Variants in PIK3C2A observed in about 807,000 individuals in gnomAD.
PIK3C2A encodes the protein phosphatidylinositol 4-phosphate 3-kinase C2 domain-containing subunit alpha.
PIK3C2A carries 97 observed loss-of-function variants against 204.5 expected under a neutral mutation model. The ratio of observed to expected loss-of-function variants is 0.47; its 90% CI spans 0.40 to 0.56. The LOEUF (loss-of-function observed/expected upper bound fraction) is 0.56, where lower values mean the gene tolerates loss of function less well. Among genes scored for constraint, PIK3C2A ranks in the 20% least tolerant of loss-of-function variants. PIK3C2A has a pLI of 0.00. For synonymous variants in PIK3C2A, 653 were observed against 664.4 expected (o/e 0.98, Z 0.26); for missense variants, 1,735 against 1,969.2 (o/e 0.88, Z 2.25).
intron 5 of PIK3C2A, 138 bp downstream of exon 5, chr11:17,148,529 A>C: frequency 4.1e-6 from 3 of 724,458 alleles, no homozygotes; most frequent in Non-Finnish European, 6.6e-6. Flanking sequence ...TATTTCAATA[A>C]AAGTTTATTG....
In PIK3C2A at chr11:17,099,983, CA is replaced by C. The variant is rs1364972692; in HGVS notation, c.4009-15del. On this transcript the variant is annotated splice_polypyrimidine_tract_variant and intron_variant, in intron 25 of 32. Coordinates refer to ENST00000691414, the MANE Select transcript of PIK3C2A (RefSeq NM_002645.4). Reference sequence around the variant, plus strand: ...TGAAGGAATCATCTGTAGAAGAAAACAAAAAGTTCTGTGAGTTAAATTTTTT... The same window carrying C: ...TGAAGGAATCATCTGTAGAAGAAAACAAAAGTTCTGTGAGTTAAATTTTTT... The C allele has an allele frequency of 7.8e-7, 1 of 1,280,538 alleles. No individual in the cohort carries two copies. Among genetic ancestry groups the C allele is most frequent in the African/African-American group, 1.5e-5 (1 of 67,388 alleles). 79.3% of individuals were successfully genotyped at this position (1,280,538 alleles called of 1,614,324 possible).
chr11:17,168,912 C>G lies in PIK3C2A; in HGVS notation c.830G>C (p.Ser277Thr). ...KFDWLDLDPL[S>T]KPKVDNVEVL... ...CTCCACATTATCCACCTTAGGCTTA[C>G]TTAGAGGATCCAAGTCTAACCAGTC... Residue 277 changes from serine to threonine, a missense_variant, in exon 2 of 33, where the codon AGT becomes ACT. Physicochemically the swap from Ser to Thr is moderately conservative, Grantham distance 58. Coordinates refer to ENST00000691414, the MANE Select transcript of PIK3C2A (RefSeq NM_002645.4). The G allele has an allele frequency of 2.5e-6, 4 of 1,614,098 alleles. No homozygotes were observed. The highest frequency in any genetic ancestry group is 3.4e-6 in the Non-Finnish European group (4 of 1,179,980).
At chr11:17,164,537 T>C (rs1464271948) in intron 2 of PIK3C2A, among the ~76,000 whole-genome samples, 2 of 152,190 alleles carry the variant, frequency 1.3e-5, no homozygotes, top group East Asian at 1.9e-4. Context: ...TCAGTTCAGA[T>C]AGCATGCTAT....
At chr11:17,114,803 T>C (rs947061709) in intron 19 of PIK3C2A, among the ~76,000 whole-genome samples, 2 of 152,214 alleles carry the variant, frequency 1.3e-5, no homozygotes, top group Non-Finnish European at 2.9e-5. Flanking sequence ...TCATAACTTA[T>C]TGGTAGGGAG....
At chr11:17,130,806 CAAAAAAAAAAAAAAAAGAA>C (rs1849668322) in intron 12 of PIK3C2A, among the ~76,000 whole-genome samples, 1 of 54,744 alleles carries the variant, frequency 1.8e-5, no homozygotes, top group South Asian at 5.3e-4. Context: ...GACTCCATCT[CAAAAAAAAAAAAAAAAGAA>C]AAAAGAAAAA....
rs1311158266 is a variant in PIK3C2A at position 17,169,785 on chromosome 11, G to A, written c.-44C>T. ...ACCTTCCTTCCTCTATTTTTTTCTT[G>A]TAGCTTCCAAAATAGCAAGGCCTAT... On this transcript the variant is annotated 5_prime_UTR_variant, in exon 2 of 33. Transcript: ENST00000691414. 1 of 1,367,218 alleles carries A rather than the reference G, an allele frequency of 7.3e-7. No individual in the cohort carries two copies. The highest frequency in any genetic ancestry group is 9.9e-7 in the Non-Finnish European group (1 of 1,005,992). The allele number at this position is 1,367,218 out of a possible 1,614,324, so 84.7% of individuals were successfully genotyped here. A position where few individuals can be genotyped will look rare whatever the true frequency, so the allele number is the denominator to read the frequency against.
intron 2 of PIK3C2A, among the ~76,000 whole-genome samples, chr11:17,167,243 G>T (rs564217164): frequency 6.6e-6 from 1 of 152,154 alleles, no homozygotes; most frequent in Non-Finnish European, 1.5e-5. Context: ...AAAGTGCTGG[G>T]ATTATAAACA....
intron 1 of PIK3C2A, among the ~76,000 whole-genome samples, chr11:17,188,377 C>T (rs1039852858): frequency 6.8e-6 from 1 of 146,420 alleles, no homozygotes; most frequent in Non-Finnish European, 1.5e-5. Flanking sequence ...GAACAGAGAA[C>T]ACACAAACAC....
chr11:17,187,383 T>C (rs1039640062), intron 1 of PIK3C2A, among the ~76,000 whole-genome samples: 2 of 152,184 alleles, frequency 1.3e-5, no homozygotes, highest in Non-Finnish European at 2.9e-5. Flanking sequence ...AATAGCTTTA[T>C]TGAGATATAA....
At chr11:17,153,900 C>A (rs1850498428) in intron 3 of PIK3C2A, among the ~76,000 whole-genome samples, 1 of 152,176 alleles carries the variant, frequency 6.6e-6, no homozygotes, top group Admixed American at 6.5e-5. Context: ...CAAAGTACAT[C>A]TCCTCATCTC....
At chr11:17,181,391 T>C (rs1851546705) in intron 1 of PIK3C2A, among the ~76,000 whole-genome samples, 1 of 151,644 alleles carries the variant, frequency 6.6e-6, no homozygotes, top group Non-Finnish European at 1.5e-5. Flanking sequence ...GAATTCTATA[T>C]AGCAATGCAA....
rs145142338 is a variant in PIK3C2A at position 17,186,898 on chromosome 11, C to T, written c.-65-17092G>A. ...GTTCAAGACCAGCCTGGACAACACA[C>T]TAAAACCCCATCTCTATTAAAAATA... On this transcript the variant is annotated intron_variant, in intron 1 of 32. Transcript: ENST00000691414. Among the ~76,000 whole-genome samples the T allele has an allele frequency of 2.3e-4, 35 of 152,238 alleles. No individual in the cohort carries two copies. The East Asian group carries it at 6.6e-3, about 29-fold the overall frequency.
At chr11:17,179,622 T>C (rs1227540069) in intron 1 of PIK3C2A, among the ~76,000 whole-genome samples, 1 of 152,192 alleles carries the variant, frequency 6.6e-6, no homozygotes, top group Non-Finnish European at 1.5e-5. Context: ...AAAGATTAAA[T>C]TTTTAAAAAT....
intron 9 of PIK3C2A, among the ~76,000 whole-genome samples, chr11:17,135,835 G>A (rs529589845): frequency 2.0e-5 from 3 of 152,164 alleles, no homozygotes; most frequent in African/African-American, 4.8e-5. Flanking sequence ...TCTAGATATC[G>A]AGGGGCACAC....
At chr11:17,196,529 C>T (rs1459597991) in intron 1 of PIK3C2A, among the ~76,000 whole-genome samples, 2 of 151,994 alleles carry the variant, frequency 1.3e-5, no homozygotes, top group Admixed American at 6.6e-5. Flanking sequence ...GAGAAAAGAA[C>T]AGTAATGTGA....
Position 17,087,109 on chromosome 11 carries a change from A to C in PIK3C2A, c.*2629T>G, listed in dbSNP as rs1848181222. The C allele has an allele frequency of 6.6e-6, 1 of 152,234 alleles. No homozygotes were observed. The highest frequency in any genetic ancestry group is 1.5e-5 in the Non-Finnish European group (1 of 68,026). 9.4% of individuals were successfully genotyped at this position (152,234 alleles called of 1,614,324 possible). On this transcript the variant is annotated 3_prime_UTR_variant, in exon 33 of 33. Coordinates refer to ENST00000691414, the MANE Select transcript of PIK3C2A (RefSeq NM_002645.4). ...CTTCAAATCCCAAAACACTGGCAAG[A>C]AGAAATAATTCTTCTGATGCAGGAC...
intron 3 of PIK3C2A, among the ~76,000 whole-genome samples, chr11:17,151,026 C>T (rs887124470): frequency 6.6e-6 from 1 of 152,120 alleles, no homozygotes; most frequent in Non-Finnish European, 1.5e-5. Context: ...GCAATGTAGT[C>T]CTAAAACTAT....
intron 19 of PIK3C2A, among the ~76,000 whole-genome samples, chr11:17,115,241 A>C (rs1288522241): frequency 6.6e-6 from 1 of 152,010 alleles, no homozygotes; most frequent in East Asian, 1.9e-4. Flanking sequence ...ATGGTAATTA[A>C]AAAAAGTATA....
rs1163898436 is a variant in PIK3C2A at position 17,114,343 on chromosome 11, A to C, written c.3321+18T>G. ...ATTTTCAAATGTAATATGAACTTAT[A>C]AGTATTTTATGTGTCACCTTAATAT... On this transcript the variant is annotated intron_variant, in intron 20 of 32. Transcript: ENST00000691414. 8.6e-7 allele frequency: 1 copy of C among 1,166,530 alleles called. No homozygotes were observed. The highest frequency in any genetic ancestry group is 1.3e-6 in the Non-Finnish European group (1 of 773,006). The allele number at this position is 1,166,530 out of a possible 1,614,324, so 72.3% of individuals were successfully genotyped here.
Sources: allele counts gnomAD v4.1 joint callset (sites outside exome capture counted in the v4.1 genomes callset), GRCh38; gene constraint gnomAD v4.1.1; transcripts MANE v1.5; gene names NCBI Gene and HGNC (gene_info 2026-07-23, HGNC 2026-07-21).